Variants in CHIC2 observed in about 807,000 individuals in gnomAD.
CHIC2 encodes cysteine rich hydrophobic domain 2.
Under a neutral mutation model 25.9 loss-of-function variants are expected in CHIC2, and 14 were observed. That is an observed-to-expected ratio of 0.54 (90% CI 0.36 to 0.85). The LOEUF (loss-of-function observed/expected upper bound fraction) is 0.85, where lower values mean the gene tolerates loss of function less well. Ranked by LOEUF, CHIC2 falls within the 40% of genes least tolerant of loss-of-function variation. The pLI, the probability that CHIC2 is intolerant of heterozygous loss-of-function variation, is 0.01. For missense variants in CHIC2, 146 were observed against 202.0 expected (o/e 0.72, Z 1.68); for synonymous variants, 70 against 72.0 (o/e 0.97, Z 0.14).
chr4:54,082,969 A>AGG, the CHIC2 span, among the ~76,000 whole-genome samples: 1 of 149,022 alleles, frequency 6.7e-6, no homozygotes, highest in African/African-American at 2.5e-5. Flanking sequence ...TAAATAATAT[A>AGG]GGCTGATGCC....
At chr4:54,080,942 G>GTATATATATATATATATATA in the CHIC2 span, among the ~76,000 whole-genome samples, 1 of 101,090 alleles carries the variant, frequency 9.9e-6, no homozygotes, top group African/African-American at 3.3e-5. Flanking sequence ...ATGTGTGTGT[G>GTATATATATATATATATATA]TATATATATA....
chr4:54,085,730 G>A, the CHIC2 span, among the ~76,000 whole-genome samples: 1 of 152,160 alleles, frequency 6.6e-6, no homozygotes. Flanking sequence ...GCCGACAGTG[G>A]AGGGAGAACC....
At chr4:54,042,232 C>T (rs1026110628) in intron 3 of CHIC2, among the ~76,000 whole-genome samples, 10 of 152,166 alleles carry the variant, frequency 6.6e-5, no homozygotes, top group African/African-American at 2.4e-4. Flanking sequence ...AAATTAAATG[C>T]ATCAAATAAA....
the CHIC2 span, among the ~76,000 whole-genome samples, chr4:54,084,959 C>CAAAAAAAAAAAAAAAAAAAAAA: frequency 3.4e-4 from 20 of 58,916 alleles, no homozygotes; most frequent in South Asian, 1.5e-3. Context: ...TGCTCTGTCT[C>CAAAAAAAAAAAAAAAAAAAAAA]AAAAAAAAAA....
At chr4:54,054,602 G>A (rs1268853975) in intron 1 of CHIC2, among the ~76,000 whole-genome samples, 1 of 152,176 alleles carries the variant, frequency 6.6e-6, no homozygotes, top group Non-Finnish European at 1.5e-5. Flanking sequence ...ACTAGAGAGA[G>A]TAGTCTGTTA....
intron 3 of CHIC2, among the ~76,000 whole-genome samples, chr4:54,030,012 G>A (rs1233342710): frequency 6.6e-6 from 1 of 151,988 alleles, no homozygotes; most frequent in Non-Finnish European, 1.5e-5. Context: ...ACTTGAACTT[G>A]AGAGCAAAGA....
upstream of CHIC2, chr4:54,064,808 G>C (rs927514541): frequency 5.4e-5 from 16 of 293,824 alleles, no homozygotes; most frequent in African/African-American, 3.6e-4. This position sits in a 1 kb window ranked among gnomAD's most constrained non-coding sequence, Gnocchi z 4.2. Context: ...GGCGACCGGG[G>C]CGCGCGCTCC....
intron 3 of CHIC2, among the ~76,000 whole-genome samples, chr4:54,021,658 C>T (rs1715902516): frequency 1.3e-5 from 2 of 152,062 alleles, no homozygotes; most frequent in Admixed American, 6.5e-5. Context: ...TTTTCTTTAT[C>T]CGACCTCTCC....
At chr4:54,080,915 G>A in the CHIC2 span, among the ~76,000 whole-genome samples, 3 of 140,444 alleles carry the variant, frequency 2.1e-5, no homozygotes, top group Non-Finnish European at 4.6e-5. Flanking sequence ...TAGCTTGATT[G>A]TGGTAATCAT....
At chr4:54,029,230 T>C (rs1247340615) in intron 3 of CHIC2, among the ~76,000 whole-genome samples, 1 of 152,234 alleles carries the variant, frequency 6.6e-6, no homozygotes, top group Admixed American at 6.5e-5. Flanking sequence ...TAACTCAAGT[T>C]TGTTTCTCTA....
chr4:54,037,890 A>C (rs1716443661), intron 3 of CHIC2, among the ~76,000 whole-genome samples: 1 of 152,152 alleles, frequency 6.6e-6, no homozygotes, highest in African/African-American at 2.4e-5. Context: ...ATATAGTCAA[A>C]ACAGTGCTTT....
At chr4:54,021,008 C>T (rs950268307) in intron 3 of CHIC2, among the ~76,000 whole-genome samples, 2 of 152,156 alleles carry the variant, frequency 1.3e-5, no homozygotes, top group Admixed American at 6.5e-5. Flanking sequence ...CACCCCGCTT[C>T]TCCGTGTCTC....
chr4:54,027,040 C>G (rs1356375135), intron 3 of CHIC2, among the ~76,000 whole-genome samples: 1 of 152,110 alleles, frequency 6.6e-6, no homozygotes, highest in African/African-American at 2.4e-5. Context: ...TCAACTTACT[C>G]TAAAACTATG....
intron 3 of CHIC2, among the ~76,000 whole-genome samples, chr4:54,036,530 C>T: frequency 6.6e-6 from 1 of 152,120 alleles, no homozygotes; most frequent in East Asian, 1.9e-4. Flanking sequence ...GAGAACTCAG[C>T]ACCAACCTGT....
At chr4:54,087,245 G>C in the CHIC2 span, 1 of 608,996 alleles carries the variant, frequency 1.6e-6, no homozygotes, top group South Asian at 2.0e-5. Context: ...AGACCTCACT[G>C]TTGAAAGCGA....
Position 54,043,417 on chromosome 4 carries a change from T to C in CHIC2, c.330+5538A>G, listed in dbSNP as rs1716654009. 2.1e-5 allele frequency among the ~76,000 whole-genome samples: 3 copies of C among 142,472 alleles called. No individual in the cohort carries two copies. The South Asian group carries it at 6.6e-4, about 31-fold the overall frequency. 93.5% of individuals were successfully genotyped at this position (142,472 alleles called of 152,430 possible). On this transcript the variant is annotated intron_variant, in intron 3 of 5. Transcript: ENST00000263921. The stretch of plus-strand genomic sequence containing the variant: ...GCCTGGGCAACAGAGTGAGACTCCA[T>C]TTCAAAAAAAAAAAAAAAAAAAGAA...
At chr4:54,057,974 T>C (rs753949473) in intron 1 of CHIC2, among the ~76,000 whole-genome samples, 1 of 152,150 alleles carries the variant, frequency 6.6e-6, no homozygotes, top group Non-Finnish European at 1.5e-5. Flanking sequence ...CATATGAAAT[T>C]TAAATGAAAG....
intron 1 of CHIC2, among the ~76,000 whole-genome samples, chr4:54,050,274 G>A (rs904891130): frequency 5.3e-5 from 8 of 152,068 alleles, no homozygotes; most frequent in Non-Finnish European, 1.0e-4. Flanking sequence ...TTGAAGGGGG[G>A]ACTCCAACTT....
At chr4:54,073,408 C>T in the CHIC2 span, among the ~76,000 whole-genome samples, 3 of 152,312 alleles carry the variant, frequency 2.0e-5, no homozygotes, top group East Asian at 1.9e-4. Context: ...ATATGACTTC[C>T]AAAGCTAAGT....
Sources: allele counts gnomAD v4.1 joint callset (sites outside exome capture counted in the v4.1 genomes callset), GRCh38; gene constraint gnomAD v4.1.1; non-coding constraint Gnocchi (gnomAD v3.1); transcripts MANE v1.5; gene names NCBI Gene and HGNC (gene_info 2026-07-23, HGNC 2026-07-21).